Variants in AAK1 observed in about 807,000 individuals in gnomAD.
The protein encoded by AAK1 is AP2-associated protein kinase 1.
AAK1 carries 37 observed loss-of-function variants against 116.0 expected under a neutral mutation model. The ratio of observed to expected loss-of-function variants is 0.32; its 90% CI spans 0.25 to 0.42. The LOEUF is 0.42. AAK1 is among the 10% of genes least tolerant of loss of function. AAK1 has a pLI of 1.00. For synonymous variants in AAK1, 458 were observed against 439.9 expected, an observed-to-expected ratio of 1.04 and a Z score of -0.51; for missense variants, 919 against 1,170.6, an observed-to-expected ratio of 0.79 and a Z score of 3.14.
At chr2:69,584,426 G>T (rs1272590351) in intron 2 of AAK1, among the ~76,000 whole-genome samples, 3 of 152,168 alleles carry the variant, frequency 2.0e-5, no homozygotes, top group Non-Finnish European at 4.4e-5. Context: ...AAAAGAAATG[G>T]GGTAAGAGTA....
At chr2:69,596,032 C>T (rs1673263894) in intron 2 of AAK1, among the ~76,000 whole-genome samples, 1 of 152,162 alleles carries the variant, frequency 6.6e-6, no homozygotes, top group African/African-American at 2.4e-5. Context: ...GAATGGTTAA[C>T]TGAATAATTT....
Position 69,466,649 on chromosome 2 carries a change from A to G in AAK1, c.*9220T>C. ...CGCGGCAAAAACATTGTGGGACCAAATAATAGATGTTGAAAATGCAACAGG... is the reference window on the plus strand; with the variant it reads ...CGCGGCAAAAACATTGTGGGACCAAGTAATAGATGTTGAAAATGCAACAGG... On this transcript the variant is annotated 3_prime_UTR_variant, in exon 22 of 22. Transcript: ENST00000409085. 9.2e-7 allele frequency: 1 copy of G among 1,087,728 alleles called. No individual in the cohort carries two copies. Among genetic ancestry groups the G allele is most frequent in the South Asian group, 2.5e-5 (1 of 40,476 alleles). The allele number at this position is 1,087,728 out of a possible 1,614,324, so 67.4% of individuals were successfully genotyped here. A position where few individuals can be genotyped will look rare whatever the true frequency, so the allele number is the denominator to read the frequency against.
chr2:69,574,052 T>A (rs918970965), intron 2 of AAK1, among the ~76,000 whole-genome samples: 1 of 150,610 alleles, frequency 6.6e-6, no homozygotes, highest in Non-Finnish European at 1.5e-5. Context: ...ACATAAAAAA[T>A]AGAAGTCACT....
chr2:69,606,070 A>G (rs1022391698), intron 2 of AAK1, among the ~76,000 whole-genome samples: 1 of 152,140 alleles, frequency 6.6e-6, no homozygotes, highest in African/African-American at 2.4e-5. Context: ...ATCTTTGCTC[A>G]TGTTGTTCCT....
At position 69,472,661 on chromosome 2, in the gene AAK1, A is replaced by G; in HGVS notation, c.*3208T>C. The G allele has an allele frequency of 4.1e-6, 4 of 985,444 alleles. No homozygotes were observed. The South Asian group carries it at 1.9e-4, about 46-fold the overall frequency. 61.0% of individuals were successfully genotyped at this position (985,444 alleles called of 1,614,324 possible). ...GGACTCATTTGAATGTTGTAAAGGG[A>G]AAAATCAATTTGTCATGTTTTCTGC... On this transcript the variant is annotated 3_prime_UTR_variant, in exon 22 of 22. Transcript: ENST00000409085.
At chr2:69,506,763 G>A (rs182859295) in intron 15 of AAK1, among the ~76,000 whole-genome samples, 12 of 152,102 alleles carry the variant, frequency 7.9e-5, no homozygotes, top group South Asian at 2.1e-4. Context: ...TTTATCCTGC[G>A]CCCTTATCTA....
At chr2:69,568,045 C>A (rs1671949060) in intron 2 of AAK1, among the ~76,000 whole-genome samples, 1 of 152,174 alleles carries the variant, frequency 6.6e-6, no homozygotes, top group African/African-American at 2.4e-5. Flanking sequence ...GCAAACAGAG[C>A]AGCAGAGGTC....
intron 2 of AAK1, among the ~76,000 whole-genome samples, chr2:69,615,525 A>G (rs1257800604): frequency 2.0e-5 from 3 of 152,276 alleles, no homozygotes; most frequent in East Asian, 3.9e-4. Context: ...GACCTCCCCA[A>G]TCCTCCCTCC....
chr2:69,603,288 C>T (rs1285662497), intron 2 of AAK1, among the ~76,000 whole-genome samples: 1 of 152,114 alleles, frequency 6.6e-6, no homozygotes, highest in East Asian at 1.9e-4. Context: ...AGAGTTTCCT[C>T]ACAGTCCATG....
At chr2:69,537,859 A>G (rs1670541343) in intron 5 of AAK1, among the ~76,000 whole-genome samples, 1 of 152,240 alleles carries the variant, frequency 6.6e-6, no homozygotes, top group Non-Finnish European at 1.5e-5. Flanking sequence ...ACTAAAAACA[A>G]CAGCGACCAG....
chr2:69,512,311 C>G (rs1424216961), intron 13 of AAK1, among the ~76,000 whole-genome samples: 1 of 152,150 alleles, frequency 6.6e-6, no homozygotes, highest in African/African-American at 2.4e-5. Context: ...CAATCCTTAT[C>G]TTTTTGGTAC....
intron 6 of AAK1, among the ~76,000 whole-genome samples, chr2:69,531,138 G>A (rs1670237811): frequency 6.6e-6 from 1 of 152,178 alleles, no homozygotes; most frequent in Admixed American, 6.5e-5. Context: ...CCCTGGCTGG[G>A]GTGAGGAGTG....
At chr2:69,553,437 GTTTTTTTTT>G (rs70954350) in intron 3 of AAK1, among the ~76,000 whole-genome samples, 1 of 79,598 alleles carries the variant, frequency 1.3e-5, no homozygotes, top group Non-Finnish European at 2.2e-5. Context: ...ATTGAAAGTT[GTTTTTTTTT>G]TTTTTTTTTT....
intron 17 of AAK1, among the ~76,000 whole-genome samples, chr2:69,491,250 A>G (rs1675511410): frequency 6.6e-6 from 1 of 151,832 alleles, no homozygotes; most frequent in Non-Finnish European, 1.5e-5. Context: ...CCTCTTTTCT[A>G]CCATATTTTA....
At chr2:69,551,896 A>C (rs1280976818) in intron 3 of AAK1, among the ~76,000 whole-genome samples, 1 of 152,238 alleles carries the variant, frequency 6.6e-6, no homozygotes, top group African/African-American at 2.4e-5. Context: ...TGAAACCGCT[A>C]ACAGTTCTCT....
In AAK1 at chr2:69,600,635, G is replaced by A. The variant is rs1039426227; in HGVS notation, c.163+42243C>T. Among the ~76,000 whole-genome samples, 14 of 152,278 alleles carry A rather than the reference G, an allele frequency of 9.2e-5. 1 individual carries two copies. The highest frequency in any genetic ancestry group is 2.1e-4 in the South Asian group (1 of 4,824). On this transcript the variant is annotated intron_variant, in intron 2 of 21. Transcript: ENST00000409085. The stretch of plus-strand genomic sequence containing the variant: ...GGTTTCTTGAGATGAATCTCCTCCC[G>A]GTGAAGATGCTGTGAACATTGTTGA...
rs1674877883 is a variant in AAK1 at position 69,476,927 on chromosome 2, T to C, written c.2744A>G (p.Glu915Gly). 2 of 1,613,782 alleles carry C rather than the reference T, an allele frequency of 1.2e-6. No individual in the cohort carries two copies. Among genetic ancestry groups the C allele is most frequent in the Non-Finnish European group, 1.7e-6 (2 of 1,179,812 alleles). The change falls in exon 21 of 22, where the codon GAA (glutamate) becomes GGA (glycine). Residue 915 changes from glutamate to glycine, a missense_variant. This residue lies in a region of AAK1 where 263 missense variants were observed against 285.5 expected (regional missense o/e 0.92). Transcript: ENST00000409085. The part of the protein sequence containing the change: ...DVPEGSDKVA[E>G]DEFDPIPVLI... ...TACAGGAATAGGGTCAAACTCATCT[T>C]CAGCCACCTTGTCCGAGCCCTCAGG...
At position 69,531,534 on chromosome 2, in the gene AAK1, C is replaced by T. The variant is rs1670256115; in HGVS notation, c.656+507G>A. The T allele has an allele frequency of 4.1e-6, 4 of 976,316 alleles. No homozygotes were observed. In the African/African-American group the frequency reaches 5.3e-5, roughly 13 times the overall value. The allele number at this position is 976,316 out of a possible 1,614,324, so 60.5% of individuals were successfully genotyped here. A position where few individuals can be genotyped will look rare whatever the true frequency, so the allele number is the denominator to read the frequency against. ...TCAGGCTCTTATTGGAGTCACAAAT[C>T]TAAAGAAGCTTTTTATCATGAAAGT... On this transcript the variant is annotated intron_variant, in intron 6 of 21. Transcript: ENST00000409085.
At chr2:69,537,739 G>A (rs17036754) in intron 5 of AAK1, among the ~76,000 whole-genome samples, 9,188 of 152,224 alleles carry the variant, frequency 0.06, 759 homozygotes, top group African/African-American at 0.19. Context: ...CTGCAGATGC[G>A]CAGACAACTG....
Sources: gnomAD v4.1 joint callset for allele counts (sites outside exome capture counted in the v4.1 genomes callset) on GRCh38, gnomAD v4.1.1 for gene constraint, gnomAD v4.1.1 regional missense constraint, MANE v1.5 for transcripts, NCBI Gene and HGNC (gene_info 2026-07-23, HGNC 2026-07-21) for gene names.